The following FAM184A variants were observed in gnomAD, a reference collection of about 807,000 sequenced individuals.
FAM184A encodes the protein family with sequence similarity 184 member A, also known as protein FAM184A.
Under a neutral mutation model 143.8 loss-of-function variants are expected in FAM184A, and 99 were observed. That is an observed-to-expected ratio of 0.69 (90% CI 0.58 to 0.81). The LOEUF (loss-of-function observed/expected upper bound fraction) is 0.81. Ranked by LOEUF, FAM184A falls within the 40% of genes least tolerant of loss-of-function variation. The pLI, the probability that FAM184A is intolerant of heterozygous loss-of-function variation, is 0.00. For synonymous variants in FAM184A, 427 were observed against 446.4 expected (o/e 0.96, Z 0.55); for missense variants, 1,217 against 1,310.5 (o/e 0.93, Z 1.10).
intron 9 of FAM184A, among the ~76,000 whole-genome samples, chr6:118,997,895 A>T (rs1162357717): frequency 6.6e-6 from 1 of 152,194 alleles, no homozygotes; most frequent in African/African-American, 2.4e-5. Context: ...ATCATATTGG[A>T]TAGCATTGGT....
chr6:118,994,687 AAATAAATAAATAAAT>A (rs1562465373), intron 9 of FAM184A, among the ~76,000 whole-genome samples: 5,110 of 137,904 alleles, frequency 0.037, 371 homozygotes, highest in African/African-American at 0.13. Context: ...CTCCATCTCT[AAATAAATAAATAAAT>A]AAATAAATAA....
At chr6:119,051,440 A>G (rs1786762369) in intron 1 of FAM184A, among the ~76,000 whole-genome samples, 1 of 152,312 alleles carries the variant, frequency 6.6e-6, no homozygotes, top group East Asian at 1.9e-4. Context: ...TACCAAAAGA[A>G]AAAAATGAAT....
At position 118,960,015 on chromosome 6, in the gene FAM184A, T is replaced by G. The variant is rs1281683757; in HGVS notation, c.*88A>C. On this transcript the variant is annotated 3_prime_UTR_variant, in exon 18 of 18. Transcript: ENST00000338891. ...CAAATACTTTCTCATTCACAGTGTT[T>G]GACATAGGAAAGCCTATTTACATAA... 1.9e-5 allele frequency: 19 copies of G among 983,392 alleles called. No individual in the cohort carries two copies. The East Asian group carries it at 3.7e-4, about 19-fold the overall frequency. The allele number at this position is 983,392 out of a possible 1,614,324, so 60.9% of individuals were successfully genotyped here. A position where few individuals can be genotyped will look rare whatever the true frequency, so the allele number is the denominator to read the frequency against.
At chr6:119,131,482 T>TTTTA (rs1019875258) in intron 1 of FAM184A, among the ~76,000 whole-genome samples, 2 of 152,104 alleles carry the variant, frequency 1.3e-5, no homozygotes, top group African/African-American at 4.8e-5. Flanking sequence ...GCACTCATAC[T>TTTTA]TTTATTTATT....
At chr6:119,142,688 A>C (rs1772288229) in intron 1 of FAM184A, among the ~76,000 whole-genome samples, 1 of 152,174 alleles carries the variant, frequency 6.6e-6, no homozygotes, top group African/African-American at 2.4e-5. Context: ...AAATGCACTT[A>C]ATTCTCATAG....
intron 1 of FAM184A, among the ~76,000 whole-genome samples, chr6:119,144,202 C>T (rs1020189493): frequency 9.3e-5 from 14 of 149,848 alleles, no homozygotes; most frequent in African/African-American, 2.9e-4. Context: ...GGTGTGGTGG[C>T]GGGCGCCTGT....
At chr6:119,034,992 A>G (rs1303681224) in intron 1 of FAM184A, among the ~76,000 whole-genome samples, 13 of 152,210 alleles carry the variant, frequency 8.5e-5, no homozygotes, top group African/African-American at 3.1e-4. Context: ...CGCCTGAGTA[A>G]TAACAGCTGT....
chr6:118,960,120 G>C lies in FAM184A; in HGVS notation c.3406C>G (p.Arg1136Gly). The change falls in exon 18 of 18, where the codon CGG becomes GGG. Residue 1136 changes from arginine (R) to glycine (G), a missense_variant. Transcript: ENST00000338891. ...CAATTCTTTCAGAATGTGAAGTACC[G>C]GGCAAACCACTCCTGGCGCTGGGGA... is the stretch of plus-strand genomic sequence containing the variant. ...PDPQRQEWFA[R>G]YFTF The C allele has an allele frequency of 6.2e-7, 1 of 1,613,234 alleles. No individual in the cohort carries two copies. Among genetic ancestry groups the C allele is most frequent in the Non-Finnish European group, 8.5e-7 (1 of 1,179,452 alleles).
At chr6:119,055,329 A>T (rs1439119438) in intron 1 of FAM184A, among the ~76,000 whole-genome samples, 1 of 152,142 alleles carries the variant, frequency 6.6e-6, no homozygotes, top group Non-Finnish European at 1.5e-5. Context: ...ATTCTTAGCT[A>T]TTACAAATAT....
chr6:119,144,574 G>A lies in FAM184A; in HGVS notation c.-202+4504C>T, dbSNP rs576839325. 2.0e-5 allele frequency among the ~76,000 whole-genome samples: 3 copies of A among 152,312 alleles called. No homozygotes were observed. The East Asian group carries it at 5.8e-4, about 29-fold the overall frequency. On this transcript the variant is annotated intron_variant, in intron 1 of 16. Transcript: ENST00000352896. ...TCTGCTCCTGAGACTGACAGTGCTA[G>A]GTTCTTTTCTCAAAAGACTTGGGGA...
intron 1 of FAM184A, among the ~76,000 whole-genome samples, chr6:119,062,572 T>A (rs608435): frequency 1.3e-5 from 2 of 151,862 alleles, no homozygotes; most frequent in African/African-American, 4.8e-5. Context: ...GGTGGGAGGA[T>A]CACCTGCGCC....
chr6:118,961,697 G>T, intron 17 of FAM184A, 64 bp downstream of exon 17: 1 of 1,316,498 alleles, frequency 7.6e-7, no homozygotes, highest in Non-Finnish European at 1.1e-6. Context: ...TTTCTGCAAT[G>T]TAAGAAGGTA....
chr6:119,120,560 A>G (rs1789183617), intron 1 of FAM184A, among the ~76,000 whole-genome samples: 1 of 152,172 alleles, frequency 6.6e-6, no homozygotes, highest in African/African-American at 2.4e-5. Flanking sequence ...TATGTTTCAC[A>G]TTTTAAGGAA....
rs968783424 is a variant in FAM184A, at chr6:119,078,453, A to G, written c.-154T>C. 6 of 724,338 alleles carry G rather than the reference A, an allele frequency of 8.3e-6. No homozygotes were observed. Among genetic ancestry groups the G allele is most frequent in the African/African-American group, 7.6e-5 (4 of 52,432 alleles). 44.9% of individuals were successfully genotyped at this position (724,338 alleles called of 1,614,324 possible). On this transcript the variant is annotated 5_prime_UTR_variant, in exon 1 of 18. Coordinates refer to ENST00000338891, the MANE Select transcript of FAM184A (RefSeq NM_024581.6). The surrounding 1 kb of genome is among the most constrained non-coding windows in gnomAD (Gnocchi z 5.5). ...GGCCGCAGGCGCCGTCCCACCCGCG[A>G]CCCCCGGGTCACCCCTGGAAGGGAC... is the stretch of plus-strand genomic sequence containing the variant.
chr6:119,069,842 C>T (rs1048699830), intron 1 of FAM184A, among the ~76,000 whole-genome samples: 2 of 151,964 alleles, frequency 1.3e-5, no homozygotes, highest in African/African-American at 2.4e-5. Context: ...CTAATAATTT[C>T]GCATAAATAG....
chr6:119,060,936 T>C (rs1570493), intron 1 of FAM184A, among the ~76,000 whole-genome samples: 63,274 of 152,090 alleles, frequency 0.42, 14,997 homozygotes, highest in East Asian at 0.75. Flanking sequence ...CTCTTTTCTT[T>C]ATAAATTACC....
At chr6:119,066,782 GA>G (rs1582578297) in intron 1 of FAM184A, among the ~76,000 whole-genome samples, 1 of 152,162 alleles carries the variant, frequency 6.6e-6, no homozygotes, top group African/African-American at 2.4e-5. Context: ...GTTGAAACAA[GA>G]AAGTGTGGAC....
At chr6:119,065,169 T>C (rs999413229) in intron 1 of FAM184A, among the ~76,000 whole-genome samples, 3 of 152,224 alleles carry the variant, frequency 2.0e-5, no homozygotes, top group Non-Finnish European at 4.4e-5. Context: ...GCAAAGATGA[T>C]GACATGTCAC....
At chr6:119,051,320 G>A (rs183350946) in intron 1 of FAM184A, among the ~76,000 whole-genome samples, 92 of 152,282 alleles carry the variant, frequency 6.0e-4, no homozygotes, top group Non-Finnish European at 1.2e-3. Context: ...TTATTTGTGG[G>A]ATCTAAAAAT....
Sources: gnomAD v4.1 joint callset for allele counts (sites outside exome capture counted in the v4.1 genomes callset) on GRCh38, gnomAD v4.1.1 for gene constraint, Gnocchi (gnomAD v3.1) non-coding constraint, MANE v1.5 for transcripts, NCBI Gene and HGNC (gene_info 2026-07-23, HGNC 2026-07-21) for gene names.